The following NCK2 variants were observed in gnomAD, a reference collection of about 807,000 sequenced individuals.
The protein encoded by NCK2 is cytoplasmic protein NCK2.
NCK2 carries 16 observed loss-of-function variants against 33.9 expected under a neutral mutation model. That is an observed-to-expected ratio of 0.47 (90% CI 0.32 to 0.72). NCK2 has a LOEUF of 0.72. Ranked by LOEUF, NCK2 falls within the 30% of genes least tolerant of loss-of-function variation. The probability of loss-of-function intolerance (pLI) is 0.03; values close to 1 mark genes in which losing one functional copy is unlikely to be tolerated. For missense variants in NCK2, 418 were observed against 537.3 expected (o/e 0.78, Z 2.19); for synonymous variants, 273 against 239.9 (o/e 1.14, Z -1.27).
At chr2:105,744,597 G>C (rs1373372314), upstream of NCK2, among the ~76,000 whole-genome samples, 1 of 152,062 alleles carries the variant, frequency 6.6e-6, no homozygotes, top group Non-Finnish European at 1.5e-5. Context: ...AATTTCGGGC[G>C]TGGGGACCCT....
At chr2:105,839,450 C>T (rs1047276952) in intron 2 of NCK2, among the ~76,000 whole-genome samples, 4 of 151,996 alleles carry the variant, frequency 2.6e-5, no homozygotes, top group African/African-American at 9.7e-5. Flanking sequence ...GGGTTTGCTG[C>T]TGGAAAGAAT....
At chr2:105,746,534 C>T (rs373790029) in intron 1 of NCK2, among the ~76,000 whole-genome samples, 25 of 152,342 alleles carry the variant, frequency 1.6e-4, no homozygotes, top group African/African-American at 5.8e-4. Context: ...TGAACACTCC[C>T]TCAATTCACT....
At position 105,819,326 on chromosome 2, in the gene NCK2, TAAA is replaced by T. The variant is rs35497405; in HGVS notation, c.-17+2729_-17+2731del. ...AAACCCATGGTAACTCCGTTTTCTT[TAAA>T]AAAAAAAAAAAAAAAGTCATTGGGG... On this transcript the variant is annotated intron_variant, in intron 2 of 4. Transcript: ENST00000233154. 7.7e-3 allele frequency among the ~76,000 whole-genome samples: 1,041 copies of T among 136,030 alleles called. 15 individuals are homozygous for T. Among genetic ancestry groups the T allele is most frequent in the African/African-American group, 0.026 (943 of 36,240 alleles). 89.2% of individuals were successfully genotyped at this position (136,030 alleles called of 152,430 possible). A position where few individuals can be genotyped will look rare whatever the true frequency, so the allele number is the denominator to read the frequency against.
At position 105,855,920 on chromosome 2, in the gene NCK2, C is replaced by T. The variant is rs1677248584; in HGVS notation, c.226+631C>T. On this transcript the variant is annotated intron_variant, in intron 3 of 4. Coordinates refer to ENST00000233154, the MANE Select transcript of NCK2 (RefSeq NM_003581.5). ...CACGATCTTGCCTCACTGCAAGCTC[C>T]ACCTCCTGGGTTCACACCATTCTCC... Among the ~76,000 whole-genome samples the T allele has an allele frequency of 2.0e-5, 3 of 151,786 alleles. No individual in the cohort carries two copies. In the South Asian group the frequency reaches 6.2e-4, roughly 32 times the overall value.
intron 1 of NCK2, among the ~76,000 whole-genome samples, chr2:105,805,447 G>T (rs1451942566): frequency 6.6e-6 from 1 of 151,882 alleles, no homozygotes; most frequent in Non-Finnish European, 1.5e-5. Context: ...CTATTTAATT[G>T]GAATAATAAT....
At chr2:105,837,614 T>G (rs191739277) in intron 2 of NCK2, among the ~76,000 whole-genome samples, 1 of 152,322 alleles carries the variant, frequency 6.6e-6, no homozygotes, top group East Asian at 1.9e-4. Flanking sequence ...GTACTGCATA[T>G]AAGTAGAAGT....
At chr2:105,778,873 C>G (rs927874847) in intron 1 of NCK2, among the ~76,000 whole-genome samples, 4 of 152,064 alleles carry the variant, frequency 2.6e-5, no homozygotes, top group African/African-American at 7.2e-5. Context: ...TAGGCACACA[C>G]CACTATACCA....
chr2:105,892,771 G>A (rs558298726), intron 4 of NCK2, among the ~76,000 whole-genome samples: 10 of 151,810 alleles, frequency 6.6e-5, no homozygotes, highest in South Asian at 2.1e-4. Flanking sequence ...GCTTGAACCC[G>A]TGAGGCGGAG....
rs533069339 is a variant in NCK2, at chr2:105,771,865, C to T, written c.-201+26727C>T. Among the ~76,000 whole-genome samples, 4 of 152,316 alleles carry T rather than the reference C, an allele frequency of 2.6e-5. No homozygotes were observed. In the South Asian group the frequency reaches 8.3e-4, roughly 32 times the overall value. ...TCCTTTGTGAGGCCTGCCCATCACTCAGATCTATATTTTTCTCCGCAGCTG... is the reference window on the plus strand; with the variant it reads ...TCCTTTGTGAGGCCTGCCCATCACTTAGATCTATATTTTTCTCCGCAGCTG... On this transcript the variant is annotated intron_variant, in intron 1 of 4. Transcript: ENST00000233154.
At chr2:105,891,927 A>G (rs151144760) in intron 4 of NCK2, among the ~76,000 whole-genome samples, 67 of 152,280 alleles carry the variant, frequency 4.4e-4, no homozygotes, top group Admixed American at 9.8e-4. Flanking sequence ...GAATTTAAAT[A>G]TTTTTCAATA....
chr2:105,815,656 T>G (rs11901644), intron 1 of NCK2, among the ~76,000 whole-genome samples: 43,470 of 152,064 alleles, frequency 0.29, 7,018 homozygotes, highest in South Asian at 0.39. Context: ...CTTAACTTCC[T>G]TCTAGTTTTG....
chr2:105,847,753 A>C (rs530568140), intron 2 of NCK2, among the ~76,000 whole-genome samples: 29 of 152,224 alleles, frequency 1.9e-4, no homozygotes, highest in Admixed American at 7.2e-4. Flanking sequence ...AATGAACAAC[A>C]AATAGTTTAA....
intron 1 of NCK2, among the ~76,000 whole-genome samples, chr2:105,815,089 G>A (rs1257537830): frequency 6.6e-6 from 1 of 152,142 alleles, no homozygotes; most frequent in Non-Finnish European, 1.5e-5. Context: ...CATCTCGAGA[G>A]GACCTGTCAT....
At chr2:105,834,328 G>A (rs1425946476) in intron 2 of NCK2, among the ~76,000 whole-genome samples, 2 of 152,024 alleles carry the variant, frequency 1.3e-5, no homozygotes, top group Non-Finnish European at 2.9e-5. Context: ...CTGTTCTTGG[G>A]TACATATATA....
At chr2:105,749,857 G>C (rs941916427) in intron 1 of NCK2, among the ~76,000 whole-genome samples, 1 of 152,038 alleles carries the variant, frequency 6.6e-6, no homozygotes. Flanking sequence ...GTCAGCTCCA[G>C]CTGCCTTAAG....
intron 1 of NCK2, among the ~76,000 whole-genome samples, chr2:105,749,076 C>CA (rs1689374237): frequency 6.6e-6 from 1 of 152,110 alleles, no homozygotes; most frequent in South Asian, 2.1e-4. Flanking sequence ...ACAACAACAA[C>CA]AAAAAAACAA....
chr2:105,785,647 A>G (rs1196964679), intron 1 of NCK2, among the ~76,000 whole-genome samples: 1 of 152,182 alleles, frequency 6.6e-6, no homozygotes, highest in Non-Finnish European at 1.5e-5. Context: ...AGCCACCTCA[A>G]CATCCGCTCA....
At chr2:105,854,816 C>T in intron 2 of NCK2, 1 of 411,158 alleles carries the variant, frequency 2.4e-6, no homozygotes, top group Non-Finnish European at 4.4e-6. Context: ...CAGATTTCCC[C>T]ATGTACAGCA....
intron 1 of NCK2, among the ~76,000 whole-genome samples, chr2:105,765,086 T>C (rs949253345): frequency 6.6e-6 from 1 of 152,104 alleles, no homozygotes; most frequent in African/African-American, 2.4e-5. Flanking sequence ...TGGACATCTT[T>C]ATGGCTCTTG....
Sources: gnomAD v4.1 joint callset for allele counts (sites outside exome capture counted in the v4.1 genomes callset) on GRCh38, gnomAD v4.1.1 for gene constraint, MANE v1.5 for transcripts, NCBI Gene and HGNC (gene_info 2026-07-23, HGNC 2026-07-21) for gene names.